The following CEP85L variants were observed in gnomAD, a reference collection of about 807,000 sequenced individuals.
CEP85L encodes centrosomal protein 85L.
In CEP85L, 60 loss-of-function variants were observed where a neutral mutation model predicts 100.3. That is an observed-to-expected ratio of 0.60 (90% confidence interval 0.49 to 0.74). The LOEUF is 0.74. Among genes scored for constraint, CEP85L ranks in the 30% least tolerant of loss-of-function variants. CEP85L has a pLI of 0.00. For missense variants in CEP85L, 973 were observed against 936.2 expected, an observed-to-expected ratio of 1.04 and a Z score of -0.51; for synonymous variants, 319 against 322.7, an observed-to-expected ratio of 0.99 and a Z score of 0.12.
intron 2 of CEP85L, among the ~76,000 whole-genome samples, chr6:118,617,097 A>G (rs113897723): frequency 0.013 from 1,960 of 152,308 alleles, 22 homozygotes; most frequent in Non-Finnish European, 0.023. Flanking sequence ...AGATACAATT[A>G]AAAGTGAGAG....
chr6:118,647,162 C>T (rs1775255478), intron 1 of CEP85L: 2 of 642,376 alleles, frequency 3.1e-6, no homozygotes, highest in Non-Finnish European at 3.9e-6. Flanking sequence ...TAGTTGTAAC[C>T]ATACCAGTTA....
At chr6:118,578,426 CTG>C (rs1393542825) in intron 2 of CEP85L, among the ~76,000 whole-genome samples, 1 of 152,158 alleles carries the variant, frequency 6.6e-6, no homozygotes, top group Non-Finnish European at 1.5e-5. Context: ...GAAACAGGAA[CTG>C]TGTTAGGAAT....
intron 1 of CEP85L, among the ~76,000 whole-genome samples, chr6:118,664,096 A>G (rs1453189305): frequency 6.6e-6 from 1 of 151,890 alleles, no homozygotes; most frequent in Non-Finnish European, 1.5e-5. Flanking sequence ...AGGTCTTGCC[A>G]TGTTGCCCAG....
chr6:118,537,986 T>C, intron 3 of CEP85L: 1 of 781,202 alleles, frequency 1.3e-6, no homozygotes, highest in Non-Finnish European at 1.6e-6. Context: ...GTAATGAAGA[T>C]GAAAATAATA....
chr6:118,491,409 A>G, intron 6 of CEP85L: 1 of 1,046,838 alleles, frequency 9.6e-7, no homozygotes, highest in Non-Finnish European at 1.2e-6. Context: ...CATAGACTCA[A>G]TAAGGAAAAG....
intron 6 of CEP85L, among the ~76,000 whole-genome samples, chr6:118,484,837 C>T (rs1774061254): frequency 6.6e-6 from 1 of 152,220 alleles, no homozygotes; most frequent in Non-Finnish European, 1.5e-5. Context: ...TGGAAGAATA[C>T]ACCAAATACT....
intron 1 of CEP85L, among the ~76,000 whole-genome samples, chr6:118,673,225 A>T (rs1776372912): frequency 6.6e-6 from 1 of 152,244 alleles, no homozygotes; most frequent in Non-Finnish European, 1.5e-5. Flanking sequence ...AAGAATAATC[A>T]ATAGAAACAG....
At position 118,519,475 on chromosome 6, in the gene CEP85L, GC is replaced by G. The variant is rs1216108232; in HGVS notation, c.1139+4326del. Among the ~76,000 whole-genome samples, 215 of 25,760 alleles carry G rather than the reference GC, an allele frequency of 8.3e-3. 16 individuals are homozygous for G. Among genetic ancestry groups the G allele is most frequent in the Non-Finnish European group, 0.012 (170 of 13,806 alleles). The allele number at this position is 25,760 out of a possible 152,430, so 16.9% of individuals were successfully genotyped here. ...GTGTGTGTGTGTGTGTGTGTGTGTGGCGGGGGGGGGTTGTGAAACTCCGTGT... is the reference window on the plus strand; with the variant it reads ...GTGTGTGTGTGTGTGTGTGTGTGTGGGGGGGGGGGTTGTGAAACTCCGTGT... On this transcript the variant is annotated intron_variant, in intron 4 of 12. Coordinates refer to ENST00000368491, the MANE Select transcript of CEP85L (RefSeq NM_001042475.3).
chr6:118,470,975 T>A (rs928860541), intron 10 of CEP85L, among the ~76,000 whole-genome samples: 3 of 152,162 alleles, frequency 2.0e-5, no homozygotes, highest in African/African-American at 7.2e-5. Context: ...CTTATTTCAT[T>A]AACTTTTTAT....
rs533113874 is a variant in CEP85L, at chr6:118,474,714, A to C, written c.1915-4070T>G. ...AACCTGGCTTAAGAGATTTTGCCTG[A>C]GGAAAAGTAGGCCATAGAACTAGAA... On this transcript the variant is annotated intron_variant, in intron 10 of 12. Coordinates refer to ENST00000368491, the MANE Select transcript of CEP85L (RefSeq NM_001042475.3). 3.9e-5 allele frequency among the ~76,000 whole-genome samples: 6 copies of C among 152,300 alleles called. No individual in the cohort carries two copies. The East Asian group carries it at 1.2e-3, about 29-fold the overall frequency.
chr6:118,632,941 T>C (rs531265695), intron 1 of CEP85L, among the ~76,000 whole-genome samples: 5 of 152,182 alleles, frequency 3.3e-5, no homozygotes, highest in African/African-American at 4.8e-5. Context: ...GAATAATTGA[T>C]AGGTGGCATC....
chr6:118,672,073 G>A (rs1174446112), intron 1 of CEP85L, among the ~76,000 whole-genome samples: 1 of 152,130 alleles, frequency 6.6e-6, no homozygotes. Context: ...GGTTTCATCT[G>A]TTGCCCAGGT....
intron 6 of CEP85L, among the ~76,000 whole-genome samples, chr6:118,487,592 C>A (rs1288157671): frequency 2.0e-5 from 3 of 152,158 alleles, no homozygotes; most frequent in African/African-American, 4.8e-5. Flanking sequence ...AATCCTACCC[C>A]CAATACAGCA....
At chr6:118,546,058 A>T (rs945014400) in intron 3 of CEP85L, among the ~76,000 whole-genome samples, 64 of 152,134 alleles carry the variant, frequency 4.2e-4, no homozygotes, top group Non-Finnish European at 2.8e-4. Context: ...ATAACACTAT[A>T]ACTCATTAAT....
At chr6:118,646,387 G>T (rs1775192197) in intron 1 of CEP85L, among the ~76,000 whole-genome samples, 1 of 151,750 alleles carries the variant, frequency 6.6e-6, no homozygotes, top group African/African-American at 2.4e-5. Context: ...CTTAAAAATT[G>T]GCTGGGTGCA....
chr6:118,600,706 C>T (rs1211446585), intron 2 of CEP85L, among the ~76,000 whole-genome samples: 3 of 151,388 alleles, frequency 2.0e-5, no homozygotes, highest in Non-Finnish European at 4.4e-5. Context: ...AAATTCAGCC[C>T]CTTGGGGTCT....
rs766452369 is a variant in CEP85L at position 118,559,072 on chromosome 6, C to T, written c.1020+6457G>A. The T allele has an allele frequency of 1.2e-6, 2 of 1,610,664 alleles. No individual in the cohort carries two copies. The highest frequency in any genetic ancestry group is 1.7e-4 in the Middle Eastern group (1 of 6,054). ...CTTGCTGATCTGTATCATCGTGATGCTTCTCTGAAGTTCTGCTACAACCTC... is the reference window on the plus strand; with the variant it reads ...CTTGCTGATCTGTATCATCGTGATGTTTCTCTGAAGTTCTGCTACAACCTC... On this transcript the variant is annotated intron_variant, in intron 3 of 12. Transcript: ENST00000368491.
At chr6:118,617,351 A>G (rs1454913255) in intron 2 of CEP85L, among the ~76,000 whole-genome samples, 4 of 152,168 alleles carry the variant, frequency 2.6e-5, no homozygotes. Flanking sequence ...TAAAGAAAAG[A>G]TTAACTGCCC....
rs1187661334 is a variant in CEP85L, at chr6:118,523,816, T to G, written c.1125A>C (p.Glu375Asp). 3 of 1,531,498 alleles carry G rather than the reference T, an allele frequency of 2.0e-6. No homozygotes were observed. The East Asian group carries it at 6.8e-5, about 35-fold the overall frequency. 94.9% of individuals were successfully genotyped at this position (1,531,498 alleles called of 1,614,324 possible). The change falls in exon 4 of 13, where the codon GAA (glutamate) becomes GAC (aspartate). Residue 375 changes from glutamate to aspartate, a missense_variant. Coordinates refer to ENST00000368491, the MANE Select transcript of CEP85L (RefSeq NM_001042475.3). Reference protein sequence around the residue: ...KIKEGLLRQKEIVIDRQKQQI... With the variant: ...KIKEGLLRQKDIVIDRQKQQI... Reference sequence around the variant, plus strand: ...AATAGACTCACCGATCGATTACAATTTCTTTCTGCCTTAGAAGTCCTTCTT... The same window carrying G: ...AATAGACTCACCGATCGATTACAATGTCTTTCTGCCTTAGAAGTCCTTCTT...
Sources: allele counts gnomAD v4.1 joint callset (sites outside exome capture counted in the v4.1 genomes callset), GRCh38; gene constraint gnomAD v4.1.1; transcripts MANE v1.5; gene names NCBI Gene and HGNC (gene_info 2026-07-23, HGNC 2026-07-21).